The following ITPR3 variants were observed in gnomAD, a reference collection of about 807,000 sequenced individuals.
ITPR3 encodes inositol 1,4,5-trisphosphate receptor type 3, also known as inositol 1,4,5-trisphosphate-gated calcium channel ITPR3.
In ITPR3, 173 loss-of-function variants were observed where a neutral mutation model predicts 293.2. That is an observed-to-expected ratio of 0.59 (90% CI 0.52 to 0.67). The LOEUF is 0.67. ITPR3 is among the 30% of genes least tolerant of loss of function. ITPR3 has a pLI of 0.00. For synonymous variants in ITPR3, 1,295 were observed against 1,444.4 expected, an observed-to-expected ratio of 0.90 and a Z score of 2.35; for missense variants, 2,796 against 3,592.1, an observed-to-expected ratio of 0.78 and a Z score of 5.66.
chr6:33,684,807 C>T lies in ITPR3; in HGVS notation c.5171C>T (p.Thr1724Ile), dbSNP rs1356418329. 3.1e-6 allele frequency: 5 copies of T among 1,613,614 alleles called. No homozygotes were observed. The highest frequency in any genetic ancestry group is 4.2e-6 in the Non-Finnish European group (5 of 1,179,734). Reference sequence around the variant, plus strand: ...CCAGACTGGTCGGCAATCGCAGCCACCCAGTGCCGGCTGGACAAGGAGGGG... The same window carrying T: ...CCAGACTGGTCGGCAATCGCAGCCATCCAGTGCCGGCTGGACAAGGAGGGG... ...LDPDWSAIAATQCRLDKEGAT... is the reference protein window; with the variant it reads ...LDPDWSAIAAIQCRLDKEGAT... Residue 1724 changes from threonine to isoleucine, a missense_variant, in exon 39 of 58, where the codon ACC becomes ATC. Physicochemically the swap from Thr to Ile is moderately conservative, Grantham distance 89 (BLOSUM62 -1). This residue lies in a region of ITPR3 where 704 missense variants were observed against 797.5 expected (regional missense o/e 0.88). Transcript: ENST00000605930. The surrounding 1 kb of genome is among the most constrained non-coding windows in gnomAD (Gnocchi z 4.2).
At chr6:33,640,813 C>T (rs1003386845) in intron 2 of ITPR3, among the ~76,000 whole-genome samples, 4 of 152,224 alleles carry the variant, frequency 2.6e-5, no homozygotes, top group African/African-American at 7.2e-5. Context: ...GGCCCATTCT[C>T]CCCCCAAAAT....
intron 1 of ITPR3, among the ~76,000 whole-genome samples, chr6:33,635,622 G>A (rs988577067): frequency 5.9e-5 from 9 of 152,268 alleles, no homozygotes; most frequent in Middle Eastern, 3.4e-3. Flanking sequence ...TACACAGGGA[G>A]GTGCATACTG....
At position 33,686,213 on chromosome 6, in the gene ITPR3, C is replaced by G. The variant is rs746738046; in HGVS notation, c.5828C>G (p.Thr1943Ser). The change falls in exon 42 of 58, where the codon ACC (threonine) becomes AGC (serine). Residue 1943 changes from threonine (T) to serine (S), a missense_variant. This residue lies in a region of ITPR3 where 704 missense variants were observed against 797.5 expected (regional missense o/e 0.88). Coordinates refer to ENST00000605930, the MANE Select transcript of ITPR3 (RefSeq NM_002224.4). ...NVGLVIQTLE[T>S]LTEYCQGPCH... is the part of the protein sequence containing the mutation. ...GGCCTCGTCATCCAGACCTTGGAGA[C>G]CCTCACTGAGTACTGCCAGGGCCCC... 6.8e-6 allele frequency: 11 copies of G among 1,613,884 alleles called. No homozygotes were observed. In the East Asian group the frequency reaches 2.0e-4, roughly 29 times the overall value.
At chr6:33,668,403 G>A in intron 16 of ITPR3, 112 bp from the exon 17 acceptor site, 2 of 1,395,216 alleles carry the variant, frequency 1.4e-6, no homozygotes, top group South Asian at 2.7e-5. Flanking sequence ...TTGGGAGGGA[G>A]CTAGTTCCAG....
chr6:33,667,792 G>A lies in ITPR3; in HGVS notation c.1714G>A (p.Glu572Lys). ...HSQEDYRKNQEHIAKQFGMMQ... is the reference protein window; with the variant it reads ...HSQEDYRKNQKHIAKQFGMMQ... ...ACCCCCAGCCTGTCTGCCCCCCCAG[G>A]AGCACATTGCCAAGCAGTTTGGGAT... is the stretch of plus-strand genomic sequence containing the variant. The change falls in exon 16 of 58, where the codon GAG becomes AAG. Residue 572 changes from glutamate to lysine, a missense_variant and splice_region_variant. By Grantham distance (56) the Glu-to-Lys change is moderately conservative. Transcript: ENST00000605930. This position sits in a 1 kb window ranked among gnomAD's most constrained non-coding sequence, Gnocchi z 4.4. 1 of 1,613,888 alleles carries A rather than the reference G, an allele frequency of 6.2e-7. No individual in the cohort carries two copies. Among genetic ancestry groups the A allele is most frequent in the Non-Finnish European group, 8.5e-7 (1 of 1,179,878 alleles).
intron 9 of ITPR3, 78 bp downstream of exon 9, chr6:33,663,084 C>T: frequency 1.6e-6 from 2 of 1,234,722 alleles, no homozygotes; most frequent in Non-Finnish European, 1.2e-6. Flanking sequence ...TGTGCACATA[C>T]TTGCATATGT....
chr6:33,663,660 A>G (rs1764534913), intron 10 of ITPR3, 78 bp from the exon 11 acceptor site: 2 of 1,608,014 alleles, frequency 1.2e-6, no homozygotes, highest in Non-Finnish European at 1.7e-6. Context: ...GACAGATGGG[A>G]TCTCAGGTGG....
intron 6 of ITPR3, 112 bp downstream of exon 6, chr6:33,659,231 G>A (rs577349463): frequency 1.2e-5 from 13 of 1,048,918 alleles, no homozygotes; most frequent in Admixed American, 7.8e-5. Context: ...CTGACCTGCC[G>A]GACAAGCTGG....
chr6:33,676,424 C>T (rs1409710505), intron 25 of ITPR3, among the ~76,000 whole-genome samples: 1 of 152,186 alleles, frequency 6.6e-6, no homozygotes, highest in Non-Finnish European at 1.5e-5. Flanking sequence ...CTGGGTCTTT[C>T]AGGGTTCAGG....
intron 10 of ITPR3, 30 bp downstream of exon 10, chr6:33,663,580 C>A (rs754086775): frequency 1.9e-6 from 3 of 1,602,788 alleles, no homozygotes. Flanking sequence ...TCCAGTGAGA[C>A]CATGGGCCTG....
intron 2 of ITPR3, among the ~76,000 whole-genome samples, chr6:33,644,732 A>G (rs1764027770): frequency 6.7e-6 from 1 of 150,274 alleles, no homozygotes; most frequent in South Asian, 2.1e-4. Context: ...GGTGCAATCA[A>G]GGCTCACTGC....
rs968339144 is a variant in ITPR3, at chr6:33,658,440, CTCTT to C, written c.370-225_370-222del. Among the ~76,000 whole-genome samples, 2 of 152,160 alleles carry C rather than the reference CTCTT, an allele frequency of 1.3e-5. No homozygotes were observed. The highest frequency in any genetic ancestry group is 4.8e-5 in the African/African-American group (2 of 41,438). On this transcript the variant is annotated intron_variant, in intron 4 of 57. Coordinates refer to ENST00000605930, the MANE Select transcript of ITPR3 (RefSeq NM_002224.4). The surrounding 1 kb of genome is among the most constrained non-coding windows in gnomAD (Gnocchi z 6.1). ...ATCTATGTAAAGTATTTAGAACAGC[CTCTT>C]TCTTGTGATCACCAGGGTGTCCATG...
At chr6:33,695,319 G>A in intron 57 of ITPR3, 1 of 578,900 alleles carries the variant, frequency 1.7e-6, no homozygotes, top group Admixed American at 3.1e-5. Context: ...ACAGGGTGGT[G>A]GGGCCCTCTG....
rs141508541 is a variant in ITPR3, at chr6:33,683,344, G to A, written c.4735G>A (p.Val1579Ile). Residue 1579 changes from valine (V) to isoleucine (I), a missense_variant, in exon 35 of 58, where the codon GTC becomes ATC. Physicochemically the swap from Val to Ile is conservative, Grantham distance 29. Coordinates refer to ENST00000605930, the MANE Select transcript of ITPR3 (RefSeq NM_002224.4). The surrounding 1 kb of genome is among the most constrained non-coding windows in gnomAD (Gnocchi z 4.5). ...GGCAACCACGCGGGCCTTCCCCCGC[G>A]TCACCCCCACCGCCAACCAGTGGGA... Reference protein sequence around the residue: ...YKATTRAFPRVTPTANQWDYK... With the variant: ...YKATTRAFPRITPTANQWDYK... 1.4e-4 allele frequency: 231 copies of A among 1,595,934 alleles called. No individual in the cohort carries two copies. In the African/African-American group the frequency reaches 2.8e-3, roughly 19 times the overall value.
chr6:33,667,000 T>A lies in ITPR3; in HGVS notation c.1552-129T>A. 9.1e-7 allele frequency: 1 copy of A among 1,102,074 alleles called. No individual in the cohort carries two copies. The highest frequency in any genetic ancestry group is 2.5e-5 in the East Asian group (1 of 40,196). 68.3% of individuals were successfully genotyped at this position (1,102,074 alleles called of 1,614,324 possible). On this transcript the variant is annotated intron_variant, in intron 14 of 57. Coordinates refer to ENST00000605930, the MANE Select transcript of ITPR3 (RefSeq NM_002224.4). This position sits in a 1 kb window ranked among gnomAD's most constrained non-coding sequence, Gnocchi z 5.1. Reference sequence around the variant, plus strand: ...GCTGGGGTTGTGGTCCAGCTTAGAATCAGCTCGAAGCTGATGTCCGGGCTG... The same window carrying A: ...GCTGGGGTTGTGGTCCAGCTTAGAAACAGCTCGAAGCTGATGTCCGGGCTG...
At position 33,663,728 on chromosome 6, in the gene ITPR3, C is replaced by T; in HGVS notation, c.1006-10C>T. 1 of 1,613,410 alleles carries T rather than the reference C, an allele frequency of 6.2e-7. No homozygotes were observed. Among genetic ancestry groups the T allele is most frequent in the Non-Finnish European group, 8.5e-7 (1 of 1,179,860 alleles). On this transcript the variant is annotated splice_polypyrimidine_tract_variant and intron_variant, in intron 10 of 57. Transcript: ENST00000605930. ...GAGGGCCTTCTACCTGATTTGGGGT[C>T]CTCATCCAGGGGGCACAGGGCCGCA...
At chr6:33,678,278 G>C in intron 28 of ITPR3, 143 bp from the exon 29 acceptor site, 1 of 1,120,430 alleles carries the variant, frequency 8.9e-7, no homozygotes, top group African/African-American at 1.6e-5. Context: ...ATCCTGACCT[G>C]GGGGCCCCAC....
intron 23 of ITPR3, 140 bp downstream of exon 23, chr6:33,673,860 C>T: frequency 1.0e-6 from 1 of 1,003,284 alleles, no homozygotes. Context: ...CATTTAATTG[C>T]CTCAGTGAGG....
Position 33,686,434 on chromosome 6 carries a change from A to G in ITPR3, c.5894A>G (p.Asn1965Ser), listed in dbSNP as rs372102313. Residue 1965 changes from asparagine (N) to serine (S), a missense_variant, in exon 43 of 58, where the codon AAT becomes AGT. Asn to Ser is a conservative substitution (Grantham distance 46). This residue lies in a region of ITPR3 where 704 missense variants were observed against 797.5 expected (regional missense o/e 0.88). Transcript: ENST00000605930. ...NQTCIVTHES[N>S]GIDIITALIL... ...ACTTGCATTGTGACTCACGAGTCCAATGGCATAGACATCATCACCGCACTG... is the reference window on the plus strand; with the variant it reads ...ACTTGCATTGTGACTCACGAGTCCAGTGGCATAGACATCATCACCGCACTG... 1.4e-5 allele frequency: 23 copies of G among 1,614,114 alleles called. No individual in the cohort carries two copies. The highest frequency in any genetic ancestry group is 1.7e-5 in the Non-Finnish European group (20 of 1,180,026).
Sources: gnomAD v4.1 joint callset for allele counts (sites outside exome capture counted in the v4.1 genomes callset) on GRCh38, gnomAD v4.1.1 for gene constraint, gnomAD v4.1.1 regional missense constraint, Gnocchi (gnomAD v3.1) non-coding constraint, MANE v1.5 for transcripts, NCBI Gene and HGNC (gene_info 2026-07-23, HGNC 2026-07-21) for gene names.